The following MSI2 variants were observed in gnomAD, a reference collection of about 807,000 sequenced individuals.
The protein encoded by MSI2 is musashi RNA binding protein 2, also known as RNA-binding protein Musashi homolog 2.
A neutral mutation model predicts 45.6 loss-of-function variants in MSI2; 17 were observed. The observed-to-expected ratio is 0.37, with a 90% CI of 0.26 to 0.56. The LOEUF (loss-of-function observed/expected upper bound fraction) is 0.56, where lower values mean the gene tolerates loss of function less well. Ranked by LOEUF, MSI2 falls within the 20% of genes least tolerant of loss-of-function variation. The pLI, the probability that MSI2 is intolerant of heterozygous loss-of-function variation, is 0.77. For missense variants in MSI2, 293 were observed against 444.2 expected (o/e 0.66, Z 3.06); for synonymous variants, 156 against 158.2 (o/e 0.99, Z 0.11).
intron 5 of MSI2, among the ~76,000 whole-genome samples, chr17:57,295,546 G>A (rs550952185): frequency 2.6e-5 from 4 of 152,106 alleles, no homozygotes; most frequent in African/African-American, 7.2e-5. Context: ...CATGGAAATA[G>A]GCTAAGTTGA....
chr17:57,678,624 C>T (rs2144761740), intron 13 of MSI2, among the ~76,000 whole-genome samples: 1 of 152,188 alleles, frequency 6.6e-6, no homozygotes, highest in African/African-American at 2.4e-5. Flanking sequence ...GGGCTTCCTG[C>T]CCACAGCTCC....
Position 57,529,870 on chromosome 17 carries a change from G to A in MSI2, c.454+146G>A, listed in dbSNP as rs1005245567. On this transcript the variant is annotated intron_variant, in intron 7 of 13. Transcript: ENST00000284073. The surrounding 1 kb of genome is among the most constrained non-coding windows in gnomAD (Gnocchi z 5.3). ...CCATCCATTGAAGATCTTTATTCAC[G>A]GAGAGTCCCAGTAGCACAAAGAGTT... 7 of 650,610 alleles carry A rather than the reference G, an allele frequency of 1.1e-5. No individual in the cohort carries two copies. The highest frequency in any genetic ancestry group is 7.5e-5 in the African/African-American group (4 of 53,020). The allele number at this position is 650,610 out of a possible 1,614,324, so 40.3% of individuals were successfully genotyped here. A position where few individuals can be genotyped will look rare whatever the true frequency, so the allele number is the denominator to read the frequency against.
At chr17:57,352,784 TTGGA>T (rs1473009276) in intron 5 of MSI2, among the ~76,000 whole-genome samples, 1 of 152,214 alleles carries the variant, frequency 6.6e-6, no homozygotes, top group African/African-American at 2.4e-5. Flanking sequence ...TGGATTTAAC[TTGGA>T]TGGAATCCCT....
At chr17:57,668,460 C>T (rs1345276364) in intron 11 of MSI2, among the ~76,000 whole-genome samples, 1 of 152,144 alleles carries the variant, frequency 6.6e-6, no homozygotes, top group African/African-American at 2.4e-5. Flanking sequence ...CCAACATTAA[C>T]CAGTAGACAT....
At chr17:57,296,044 G>T (rs1910924534) in intron 5 of MSI2, among the ~76,000 whole-genome samples, 1 of 65,612 alleles carries the variant, frequency 1.5e-5, no homozygotes, top group Non-Finnish European at 2.8e-5. Flanking sequence ...TACATGTTCT[G>T]GTTTAAAAAA....
intron 6 of MSI2, among the ~76,000 whole-genome samples, chr17:57,493,292 C>T (rs187825372): frequency 1.1e-4 from 16 of 152,148 alleles, no homozygotes; most frequent in African/African-American, 2.6e-4. Context: ...GTAAAAGGAG[C>T]GATTGCTGTT....
chr17:57,632,374 T>C (rs1418540436), intron 10 of MSI2: 1 of 1,066,218 alleles, frequency 9.4e-7, no homozygotes, highest in Non-Finnish European at 1.1e-6. Flanking sequence ...ATAAACACTA[T>C]CTGACTATCT....
intron 5 of MSI2, among the ~76,000 whole-genome samples, chr17:57,289,448 C>A (rs947933630): frequency 6.6e-6 from 1 of 151,450 alleles, no homozygotes; most frequent in Non-Finnish European, 1.5e-5. Context: ...GGCTTTTCTG[C>A]ATGCACTGAA....
At chr17:57,335,358 C>G (rs1458001316) in intron 5 of MSI2, among the ~76,000 whole-genome samples, 1 of 152,222 alleles carries the variant, frequency 6.6e-6, no homozygotes, top group African/African-American at 2.4e-5. Flanking sequence ...TTTACACCAG[C>G]CAGCTCTTAA....
At chr17:57,557,654 G>T (rs2087468417) in intron 7 of MSI2, among the ~76,000 whole-genome samples, 1 of 152,230 alleles carries the variant, frequency 6.6e-6, no homozygotes. Flanking sequence ...CCCATGCCAA[G>T]GCAAGGCTTT....
chr17:57,422,743 G>A (rs1436964104), intron 6 of MSI2, among the ~76,000 whole-genome samples: 2 of 152,202 alleles, frequency 1.3e-5, no homozygotes, highest in African/African-American at 4.8e-5. Context: ...AATCAGTACA[G>A]CGTAAATCAC....
intron 6 of MSI2, among the ~76,000 whole-genome samples, chr17:57,446,388 T>G (rs1419653566): frequency 1.3e-5 from 2 of 151,976 alleles, no homozygotes; most frequent in East Asian, 3.9e-4. Flanking sequence ...CAGGGGATGG[T>G]CGGAAGGAAG....
chr17:57,451,320 G>A (rs1037948328), intron 6 of MSI2, among the ~76,000 whole-genome samples: 2 of 152,156 alleles, frequency 1.3e-5, no homozygotes, highest in East Asian at 1.9e-4. Flanking sequence ...AGGATTTCTC[G>A]GAGAAGCCAC....
At chr17:57,283,360 C>T (rs1909590671) in intron 5 of MSI2, among the ~76,000 whole-genome samples, 1 of 152,136 alleles carries the variant, frequency 6.6e-6, no homozygotes, top group Non-Finnish European at 1.5e-5. Context: ...CCCCAGAAGT[C>T]CCTTTGTATC....
At chr17:57,488,050 G>A (rs1461451312) in intron 6 of MSI2, among the ~76,000 whole-genome samples, 2 of 152,000 alleles carry the variant, frequency 1.3e-5, no homozygotes, top group Non-Finnish European at 2.9e-5. Flanking sequence ...GGAGAGATTA[G>A]AAGGAGAGAG....
At chr17:57,671,802 G>T (rs1912804171) in intron 11 of MSI2, among the ~76,000 whole-genome samples, 1 of 152,262 alleles carries the variant, frequency 6.6e-6, no homozygotes, top group Non-Finnish European at 1.5e-5. Context: ...CCGAGTGGCA[G>T]TCCCCATTCT....
intron 7 of MSI2, among the ~76,000 whole-genome samples, chr17:57,573,582 C>G (rs2087935559): frequency 6.6e-6 from 1 of 152,226 alleles, no homozygotes; most frequent in Non-Finnish European, 1.5e-5. Flanking sequence ...GGATCAACCC[C>G]CATCACTCCA....
At chr17:57,485,891 T>G (rs1307740188) in intron 6 of MSI2, among the ~76,000 whole-genome samples, 2 of 152,064 alleles carry the variant, frequency 1.3e-5, no homozygotes, top group Non-Finnish European at 2.9e-5. Context: ...CAGGAACAAA[T>G]CTGCACCTGT....
At chr17:57,397,585 G>A (rs1333992370) in intron 5 of MSI2, among the ~76,000 whole-genome samples, 7 of 152,206 alleles carry the variant, frequency 4.6e-5, no homozygotes, top group Admixed American at 2.0e-4. Context: ...CAAGGAAACC[G>A]AGAGAAGAAT....
Sources: allele counts gnomAD v4.1 joint callset (sites outside exome capture counted in the v4.1 genomes callset), GRCh38; gene constraint gnomAD v4.1.1; non-coding constraint Gnocchi (gnomAD v3.1); transcripts MANE v1.5; gene names NCBI Gene and HGNC (gene_info 2026-07-23, HGNC 2026-07-21).